The following SYTL2 variants were observed in gnomAD, a reference collection of about 807,000 sequenced individuals.
SYTL2 encodes synaptotagmin-like protein 2.
A neutral mutation model predicts 198.7 loss-of-function variants in SYTL2; 165 were observed. The ratio of observed to expected loss-of-function variants is 0.83; its 90% CI spans 0.73 to 0.94. SYTL2 has a LOEUF of 0.94. Ranked by LOEUF, SYTL2 falls within the 40% of genes least tolerant of loss-of-function variation. The pLI is 0.00. For missense variants in SYTL2, 2,835 were observed against 2,582.8 expected, an observed-to-expected ratio of 1.10 and a Z score of -2.12; for synonymous variants, 966 against 917.7, an observed-to-expected ratio of 1.05 and a Z score of -0.95.
the SYTL2 span, among the ~76,000 whole-genome samples, chr11:85,833,099 G>GA: frequency 9.3e-4 from 36 of 38,898 alleles, 1 homozygote; most frequent in East Asian, 6.7e-3. Context: ...AAGAAAGAAA[G>GA]AAGGAAGGAA....
chr11:85,757,605 A>G lies in SYTL2; in HGVS notation c.101+20T>C, dbSNP rs749464749. ...CTGCCTCTTCCTTCCCTCATGCCCA[A>G]GGCTTCTCTGGCCTCTTACCTGACT... On this transcript the variant is annotated intron_variant, in intron 2 of 19. Coordinates refer to ENST00000359152, the MANE Select transcript of SYTL2 (RefSeq NM_206927.4). 2.5e-6 allele frequency: 4 copies of G among 1,612,196 alleles called. No individual in the cohort carries two copies. Among genetic ancestry groups the G allele is most frequent in the African/African-American group, 2.7e-5 (2 of 74,844 alleles).
intron 2 of SYTL2, among the ~76,000 whole-genome samples, chr11:85,754,760 T>C (rs142002408): frequency 6.6e-6 from 1 of 152,246 alleles, no homozygotes; most frequent in East Asian, 1.9e-4. Flanking sequence ...ACACAGTTCA[T>C]TAGTGGTAGG....
chr11:85,712,611 G>A (rs2086497401), intron 12 of SYTL2, among the ~76,000 whole-genome samples: 1 of 151,996 alleles, frequency 6.6e-6, no homozygotes, highest in Non-Finnish European at 1.5e-5. Context: ...CTTCTGTGTG[G>A]AGCTATGAGA....
intron 1 of SYTL2, among the ~76,000 whole-genome samples, chr11:85,808,085 G>C (rs1019052090): frequency 6.6e-6 from 1 of 151,990 alleles, no homozygotes; most frequent in Non-Finnish European, 1.5e-5. Flanking sequence ...ATTATTATTT[G>C]AGATGGAGTC....
At chr11:85,804,470 C>A (rs763786707) in intron 1 of SYTL2, among the ~76,000 whole-genome samples, 3 of 152,094 alleles carry the variant, frequency 2.0e-5, no homozygotes, top group Non-Finnish European at 2.9e-5. Context: ...GGCTGTGTCA[C>A]CTTGGGCAAC....
intron 3 of SYTL2, among the ~76,000 whole-genome samples, chr11:85,748,064 A>G (rs1166796545): frequency 6.6e-6 from 1 of 152,148 alleles, no homozygotes; most frequent in Non-Finnish European, 1.5e-5. Flanking sequence ...AGGGCTTCCT[A>G]TGTTCCTCTA....
chr11:85,835,926 A>T, the SYTL2 span, among the ~76,000 whole-genome samples: 1 of 152,154 alleles, frequency 6.6e-6, no homozygotes, highest in Admixed American at 6.5e-5. Context: ...ATTTTCCCAT[A>T]ATCAGCATGT....
chr11:85,780,702 T>G (rs557449946), intron 1 of SYTL2, among the ~76,000 whole-genome samples: 1 of 152,356 alleles, frequency 6.6e-6, no homozygotes, highest in East Asian at 1.9e-4. Context: ...TATAATAAAC[T>G]GGTAAATACA....
intron 1 of SYTL2, among the ~76,000 whole-genome samples, chr11:85,788,924 T>A (rs2153617594): frequency 6.6e-6 from 1 of 151,628 alleles, no homozygotes; most frequent in South Asian, 2.1e-4. Context: ...ACACAGCACA[T>A]GTGTCAAAGC....
At chr11:85,745,575 CA>C in intron 4 of SYTL2, 61 bp downstream of exon 4, 1 of 1,566,804 alleles carries the variant, frequency 6.4e-7, no homozygotes, top group Non-Finnish European at 8.7e-7. Flanking sequence ...CCATTCTGCC[CA>C]TGTGACACCC....
At chr11:85,741,071 GTTTT>G (rs113206695) in intron 4 of SYTL2, among the ~76,000 whole-genome samples, 2 of 145,706 alleles carry the variant, frequency 1.4e-5, no homozygotes, top group African/African-American at 2.5e-5. Flanking sequence ...TTTTTCTGAG[GTTTT>G]TTTTTTTTTC....
the SYTL2 span, among the ~76,000 whole-genome samples, chr11:85,836,902 A>G: frequency 6.6e-6 from 1 of 152,184 alleles, no homozygotes; most frequent in African/African-American, 2.4e-5. Flanking sequence ...ATACATAGAC[A>G]TATATTCCTT....
intron 4 of SYTL2, among the ~76,000 whole-genome samples, chr11:85,741,553 G>C (rs1236564953): frequency 6.6e-6 from 1 of 152,024 alleles, no homozygotes; most frequent in Non-Finnish European, 1.5e-5. Context: ...TGACTTTGTA[G>C]GCCAGGCCTC....
In SYTL2 at chr11:85,748,352, T is replaced by G. The variant is rs770202412; in HGVS notation, c.173A>C (p.Lys58Thr). The change falls in exon 3 of 20, where the codon AAG (lysine) becomes ACG (threonine). Residue 58 changes from lysine to threonine, a missense_variant. Around this residue, in one of 3 missense-constraint regions of SYTL2, gnomAD observed 2,645 missense variants for 2,381.7 expected, o/e 1.11. Coordinates refer to ENST00000359152, the MANE Select transcript of SYTL2 (RefSeq NM_206927.4). ...NMSGQWFYEA[K>T]AKRHRDKIHG... ...GATTTTGTCCCTGTGCCTTTTTGCC[T>G]TGGCTTCATAAAACCATTGGCCACT... The G allele has an allele frequency of 5.0e-6, 8 of 1,614,094 alleles. No individual in the cohort carries two copies. In the South Asian group the frequency reaches 7.7e-5, roughly 16 times the overall value.
At chr11:85,703,960 A>C (rs959170284) in intron 16 of SYTL2, among the ~76,000 whole-genome samples, 1 of 152,140 alleles carries the variant, frequency 6.6e-6, no homozygotes, top group Non-Finnish European at 1.5e-5. Flanking sequence ...TGACATATTA[A>C]GAGAGAGAAA....
At chr11:85,709,683 T>C (rs944956813) in intron 13 of SYTL2, among the ~76,000 whole-genome samples, 183 bp from the exon 14 acceptor site, 1 of 152,158 alleles carries the variant, frequency 6.6e-6, no homozygotes, top group South Asian at 2.1e-4. Flanking sequence ...CTAGAGTTTT[T>C]TGTTTCATTT....
In SYTL2 at chr11:85,733,970, C is replaced by G. The variant is rs771364333; in HGVS notation, c.1359G>C (p.Arg453Ser). ...GGCTTCTGGGTAATACAGATTCAAG[C>G]CTTGTTAATTCTGATGATTTATCTT... ...EPKDKSSELT[R>S]LESVLPRSPA... The change falls in exon 7 of 20, where the codon AGG (arginine) becomes AGC (serine). Residue 453 changes from arginine to serine, a missense_variant. Physicochemically the swap from Arg to Ser is moderately radical, Grantham distance 110 (BLOSUM62 -1). Coordinates refer to ENST00000359152, the MANE Select transcript of SYTL2 (RefSeq NM_206927.4). 1.9e-6 allele frequency: 3 copies of G among 1,614,022 alleles called. No homozygotes were observed. Among genetic ancestry groups the G allele is most frequent in the Non-Finnish European group, 2.5e-6 (3 of 1,179,922 alleles).
chr11:85,836,369 A>G, the SYTL2 span, among the ~76,000 whole-genome samples: 5 of 152,032 alleles, frequency 3.3e-5, no homozygotes, highest in South Asian at 2.1e-4. Flanking sequence ...ACACGTATAC[A>G]TTTAGTGAGG....
At position 85,695,142 on chromosome 11, in the gene SYTL2, T is replaced by C; in HGVS notation, c.*53A>G. 2 of 1,552,124 alleles carry C rather than the reference T, an allele frequency of 1.3e-6. No homozygotes were observed. The highest frequency in any genetic ancestry group is 1.2e-5 in the South Asian group (1 of 83,028). On this transcript the variant is annotated 3_prime_UTR_variant, in exon 20 of 20. Coordinates refer to ENST00000359152, the MANE Select transcript of SYTL2 (RefSeq NM_206927.4). ...TGTCCACCTACTCAGATTTTCAAGA[T>C]CAGATTCCACCGGTTTAGTAGTTTT...
Sources: gnomAD v4.1 joint callset for allele counts (sites outside exome capture counted in the v4.1 genomes callset) on GRCh38, gnomAD v4.1.1 for gene constraint, gnomAD v4.1.1 regional missense constraint, MANE v1.5 for transcripts, NCBI Gene and HGNC (gene_info 2026-07-23, HGNC 2026-07-21) for gene names.